The following ZSCAN5A variants were observed in gnomAD, a reference collection of about 807,000 sequenced individuals.
The protein encoded by ZSCAN5A is zinc finger and SCAN domain containing 5A, also known as zinc finger and SCAN domain-containing protein 5A.
Under a neutral mutation model 23.7 loss-of-function variants are expected in ZSCAN5A, and 12 were observed. The observed-to-expected ratio is 0.51, with a 90% CI of 0.32 to 0.82. ZSCAN5A has a LOEUF of 0.82. ZSCAN5A is among the 40% of genes least tolerant of loss of function. ZSCAN5A has a pLI of 0.03. For synonymous variants in ZSCAN5A, 257 were observed against 239.9 expected (o/e 1.07, Z -0.66); for missense variants, 597 against 617.9 (o/e 0.97, Z 0.36).
chr19:56,225,030 G>T lies in ZSCAN5A; in HGVS notation c.17C>A (p.Thr6Lys). The change falls in exon 3 of 6, where the codon ACA becomes AAA. Residue 6 changes from threonine to lysine, a missense_variant. By Grantham distance (78) the Thr-to-Lys change is moderately conservative (BLOSUM62 -1). Transcript: ENST00000683990. MAANC[T>K]SSWSLGESCN... ...GGATTCTCCTAGACTCCATGAGGAT[G>T]TGCAATTTGCAGCCATATCTAGTGG... The T allele has an allele frequency of 1.3e-6, 2 of 1,599,418 alleles. No homozygotes were observed. The highest frequency in any genetic ancestry group is 1.1e-5 in the South Asian group (1 of 89,540).
At chr19:56,343,250 C>T (rs770328222) in intron 2 of ZSCAN5A, 15 of 832,276 alleles carry the variant, frequency 1.8e-5, no homozygotes, top group African/African-American at 3.4e-5. Flanking sequence ...TTGGCAACCC[C>T]CTTCAGTATT....
chr19:56,343,661 C>T (rs1377937757), intron 2 of ZSCAN5A, among the ~76,000 whole-genome samples: 10 of 152,212 alleles, frequency 6.6e-5, no homozygotes, highest in Admixed American at 3.9e-4. Flanking sequence ...TCTTCTGCCT[C>T]GGGGTTTGCC....
intron 2 of ZSCAN5A, among the ~76,000 whole-genome samples, chr19:56,292,102 A>G (rs1293500942): frequency 1.3e-5 from 2 of 152,136 alleles, no homozygotes; most frequent in African/African-American, 2.4e-5. Flanking sequence ...CTGCTTAACC[A>G]CGGTGCTGTG....
chr19:56,221,589 C>A lies in ZSCAN5A; in HGVS notation c.1477G>T (p.Ala493Ser). 6.2e-7 allele frequency: 1 copy of A among 1,601,498 alleles called. No homozygotes were observed. The highest frequency in any genetic ancestry group is 8.5e-7 in the Non-Finnish European group (1 of 1,174,110). The change falls in exon 6 of 6, where the codon GCT becomes TCT. Residue 493 changes from alanine (A) to serine (S), a missense_variant. Ala to Ser is a moderately conservative substitution (Grantham distance 99). Transcript: ENST00000683990. ...GGATTATGCAATCACTGAGAAGTAG[C>A]TTCTGGATGTGTTTTCTGGTGGCGT... The part of the protein sequence containing the change: ...LRRHQKTHPE[A>S]TSQ
At position 56,256,936 on chromosome 19, in the gene ZSCAN5A, C is replaced by T. The variant is rs1422649456; in HGVS notation, c.-127-31763G>A. On this transcript the variant is annotated intron_variant, in intron 2 of 5. Coordinates refer to ENST00000683990, the MANE Select transcript of ZSCAN5A (RefSeq NM_001322064.3). ...AAGCAAACAGGTGGTTCTGGGATCC[C>T]CCCGAAAGGGAAACCCAAGATGAGG... Among the ~76,000 whole-genome samples, 7 of 152,224 alleles carry T rather than the reference C, an allele frequency of 4.6e-5. No individual in the cohort carries two copies. The East Asian group carries it at 1.4e-3, about 29-fold the overall frequency.
chr19:56,325,846 G>A (rs962291289), intron 2 of ZSCAN5A, among the ~76,000 whole-genome samples: 6 of 152,006 alleles, frequency 3.9e-5, no homozygotes, highest in African/African-American at 1.4e-4. Context: ...AATATATATT[G>A]AGTGCCTTTT....
At chr19:56,328,189 T>TATGTTTTATAACTGAC (rs1237757609) in intron 2 of ZSCAN5A, among the ~76,000 whole-genome samples, 1 of 152,302 alleles carries the variant, frequency 6.6e-6, no homozygotes, top group East Asian at 1.9e-4. Flanking sequence ...ATCATTTTAC[T>TATGTTTTATAACTGAC]ATGTTTTATA....
At chr19:56,355,328 A>T (rs913533733) in intron 2 of ZSCAN5A, among the ~76,000 whole-genome samples, 6 of 148,876 alleles carry the variant, frequency 4.0e-5, no homozygotes, top group Non-Finnish European at 7.4e-5. Context: ...TGTGGTAGTA[A>T]CAGTATTATC....
intron 2 of ZSCAN5A, among the ~76,000 whole-genome samples, chr19:56,230,039 G>A (rs115628040): frequency 0.029 from 4,366 of 152,118 alleles, 196 homozygotes; most frequent in African/African-American, 0.097. Context: ...GAGACAATTC[G>A]ACTTCCTCCT....
At chr19:56,248,921 G>A (rs2036148479) in intron 2 of ZSCAN5A, among the ~76,000 whole-genome samples, 1 of 152,070 alleles carries the variant, frequency 6.6e-6, no homozygotes, top group Non-Finnish European at 1.5e-5. Context: ...TGTTCATTAG[G>A]GCTCGCTCTG....
rs113851828 is a variant in ZSCAN5A at position 56,237,030 on chromosome 19, G to T, written c.-127-11857C>A. Among the ~76,000 whole-genome samples, 1,359 of 152,364 alleles carry T rather than the reference G, an allele frequency of 8.9e-3. 11 individuals carry two copies. Among genetic ancestry groups the T allele is most frequent in the Non-Finnish European group, 0.014 (960 of 68,026 alleles). ...ACGGGGTGTAGCCAATGGGAGGCCT[G>T]TCAAAGACACCGAGGGGTATTGCCG... On this transcript the variant is annotated intron_variant, in intron 2 of 5. Coordinates refer to ENST00000683990, the MANE Select transcript of ZSCAN5A (RefSeq NM_001322064.3).
chr19:56,277,181 AG>A (rs1402364137), intron 2 of ZSCAN5A, among the ~76,000 whole-genome samples: 1 of 152,168 alleles, frequency 6.6e-6, no homozygotes, highest in Non-Finnish European at 1.5e-5. Context: ...ATTCCGCTCT[AG>A]GTATGTGCCC....
chr19:56,314,717 T>C lies in ZSCAN5A; in HGVS notation c.-266A>G, dbSNP rs560920919. On this transcript the variant is annotated 5_prime_UTR_variant, in exon 1 of 6. Coordinates refer to ENST00000683990, the MANE Select transcript of ZSCAN5A (RefSeq NM_001322064.3). ...CGACACACTCAGAAACGTCTACTAG[T>C]GACGGTCAAGCCACCTACAACCGGT... The C allele has an allele frequency of 6.6e-6, 1 of 152,388 alleles. No individual in the cohort carries two copies. Among genetic ancestry groups the C allele is most frequent in the East Asian group, 1.9e-4 (1 of 5,188 alleles). The allele number at this position is 152,388 out of a possible 1,614,324, so 9.4% of individuals were successfully genotyped here. A position where few individuals can be genotyped will look rare whatever the true frequency, so the allele number is the denominator to read the frequency against.
Position 56,243,195 on chromosome 19 carries a change from C to G in ZSCAN5A, c.-127-18022G>C, listed in dbSNP as rs983995068. Among the ~76,000 whole-genome samples the G allele has an allele frequency of 2.6e-5, 3 of 115,672 alleles. No homozygotes were observed. In the East Asian group the frequency reaches 8.9e-4, roughly 34 times the overall value. 75.9% of individuals were successfully genotyped at this position (115,672 alleles called of 152,430 possible). A position where few individuals can be genotyped will look rare whatever the true frequency, so the allele number is the denominator to read the frequency against. On this transcript the variant is annotated intron_variant, in intron 2 of 5. Coordinates refer to ENST00000683990, the MANE Select transcript of ZSCAN5A (RefSeq NM_001322064.3). ...AAACCCTTAGAGACAGAAGGTAGAT[C>G]AGTGATTGGCAGGGGCTGGGGTGGG...
rs1327611316 is a variant in ZSCAN5A, at chr19:56,222,751, A to C, written c.589-10T>G. The C allele has an allele frequency of 6.2e-7, 1 of 1,614,016 alleles. No homozygotes were observed. Among genetic ancestry groups the C allele is most frequent in the East Asian group, 2.2e-5 (1 of 44,880 alleles). On this transcript the variant is annotated splice_polypyrimidine_tract_variant and intron_variant, in intron 4 of 5. Transcript: ENST00000683990. ...GCAGAAAGTCCTCTCCCTGAAGAGG[A>C]AAAACCAAGAGTAATGACTGCTGTG...
chr19:56,342,732 C>T, intron 2 of ZSCAN5A: 1 of 669,446 alleles, frequency 1.5e-6, no homozygotes, highest in East Asian at 2.5e-5. Context: ...TATCTGTGTC[C>T]TCCCTGATAT....
chr19:56,289,467 G>A (rs1018126785), intron 2 of ZSCAN5A, among the ~76,000 whole-genome samples: 1 of 152,106 alleles, frequency 6.6e-6, no homozygotes, highest in African/African-American at 2.4e-5. Context: ...ACTCTAGTTC[G>A]GGTAAGACGG....
In ZSCAN5A at chr19:56,280,737, G is replaced by A. The variant is rs375779294; in HGVS notation, c.-128+32546C>T. 2.6e-5 allele frequency: 4 copies of A among 152,306 alleles called. No homozygotes were observed. The East Asian group carries it at 7.7e-4, about 29-fold the overall frequency. The allele number at this position is 152,306 out of a possible 1,614,324, so 9.4% of individuals were successfully genotyped here. A position where few individuals can be genotyped will look rare whatever the true frequency, so the allele number is the denominator to read the frequency against. On this transcript the variant is annotated intron_variant, in intron 2 of 5. Transcript: ENST00000683990. ...GGACAGAGAGAGAGACAGAAACAGAGACAGAGAGCTCAGAGCTTCAAGCCC... is the reference window on the plus strand; with the variant it reads ...GGACAGAGAGAGAGACAGAAACAGAAACAGAGAGCTCAGAGCTTCAAGCCC...
chr19:56,345,939 T>C (rs1014558489), intron 2 of ZSCAN5A, among the ~76,000 whole-genome samples: 1 of 152,320 alleles, frequency 6.6e-6, no homozygotes, highest in African/African-American at 2.4e-5. Flanking sequence ...AGATGAACTT[T>C]TCTGTTTACA....
Sources: allele counts gnomAD v4.1 joint callset (sites outside exome capture counted in the v4.1 genomes callset), GRCh38; gene constraint gnomAD v4.1.1; transcripts MANE v1.5; gene names NCBI Gene and HGNC (gene_info 2026-07-23, HGNC 2026-07-21).